ADGRB3: variants seen among roughly 807,000 people sequenced by gnomAD.
The protein encoded by ADGRB3 is brain-specific angiogenesis inhibitor 3.
In ADGRB3, 37 loss-of-function variants were observed where a neutral mutation model predicts 193.4. The ratio of observed to expected loss-of-function variants is 0.19; its 90% confidence interval spans 0.15 to 0.25. The LOEUF is 0.25. Ranked by LOEUF, ADGRB3 falls within the 10% of genes least tolerant of loss-of-function variation. ADGRB3 has a pLI of 1.00. For synonymous variants in ADGRB3, 690 were observed against 644.2 expected, an observed-to-expected ratio of 1.07 and a Z score of -1.08; for missense variants, 1,637 against 1,852.9, an observed-to-expected ratio of 0.88 and a Z score of 2.14.
In ADGRB3 at chr6:68,967,117, A is replaced by G. The variant is rs566169414; in HGVS notation, c.1526-7646A>G. 1.8e-3 allele frequency among the ~76,000 whole-genome samples: 280 copies of G among 152,286 alleles called. 1 individual carries two copies. The highest frequency in any genetic ancestry group is 6.4e-3 in the African/African-American group (264 of 41,560). ...CTGTGAATCTATGATTTCCCCTGCCATCTTCCTTTTTAAAAATAATAATAA... is the reference window on the plus strand; with the variant it reads ...CTGTGAATCTATGATTTCCCCTGCCGTCTTCCTTTTTAAAAATAATAATAA... On this transcript the variant is annotated intron_variant, in intron 8 of 31. Transcript: ENST00000370598.
intron 11 of ADGRB3, 142 bp downstream of exon 11, chr6:68,994,104 A>G: frequency 2.6e-6 from 2 of 778,690 alleles, no homozygotes; most frequent in South Asian, 2.0e-5. Context: ...AGCTCTGGAA[A>G]TGACCTCAGT....
chr6:68,728,366 G>A (rs1193849791), intron 3 of ADGRB3, among the ~76,000 whole-genome samples: 2 of 150,620 alleles, frequency 1.3e-5, no homozygotes, highest in Non-Finnish European at 3.0e-5. Flanking sequence ...GGCAGTCTAT[G>A]AAAACCACAA....
chr6:69,181,890 T>C (rs905593930), intron 17 of ADGRB3, among the ~76,000 whole-genome samples: 2 of 152,226 alleles, frequency 1.3e-5, no homozygotes, highest in Non-Finnish European at 2.9e-5. Context: ...TAATTTCTTG[T>C]GTTTGGGGAT....
At position 69,115,234 on chromosome 6, in the gene ADGRB3, G is replaced by A. The variant is rs1267508722; in HGVS notation, c.2480+39196G>A. 2.6e-5 allele frequency among the ~76,000 whole-genome samples: 4 copies of A among 152,264 alleles called. No homozygotes were observed. The East Asian group carries it at 7.7e-4, about 29-fold the overall frequency. ...TGACAGACTGGACAAAGAAAATGTG[G>A]CACATATATACCATGGAATACTATG... On this transcript the variant is annotated intron_variant, in intron 17 of 31. Coordinates refer to ENST00000370598, the MANE Select transcript of ADGRB3 (RefSeq NM_001704.3).
chr6:68,740,959 G>T (rs1156547354), intron 3 of ADGRB3, among the ~76,000 whole-genome samples: 1 of 152,138 alleles, frequency 6.6e-6, no homozygotes, highest in African/African-American at 2.4e-5. Context: ...TCTCTGAAGT[G>T]CATGCATACA....
intron 3 of ADGRB3, among the ~76,000 whole-genome samples, chr6:68,890,533 T>G (rs1766043688): frequency 6.6e-6 from 1 of 152,208 alleles, no homozygotes; most frequent in African/African-American, 2.4e-5. Context: ...AAATCTGTAA[T>G]GAATTTGTGG....
chr6:68,923,893 C>G (rs1767111830), intron 3 of ADGRB3, among the ~76,000 whole-genome samples: 1 of 151,964 alleles, frequency 6.6e-6, no homozygotes, highest in South Asian at 2.1e-4. Context: ...AAGATCTTGT[C>G]AAGAAACACA....
intron 30 of ADGRB3, among the ~76,000 whole-genome samples, chr6:69,377,563 C>T (rs999439764): frequency 3.9e-5 from 6 of 151,998 alleles, no homozygotes; most frequent in Admixed American, 3.9e-4. Flanking sequence ...TGGGCAACGG[C>T]ATTGTAGGTG....
intron 3 of ADGRB3, among the ~76,000 whole-genome samples, chr6:68,729,020 C>G (rs1172001773): frequency 6.6e-6 from 1 of 151,430 alleles, no homozygotes; most frequent in East Asian, 1.9e-4. Flanking sequence ...GCCACTCTAA[C>G]ATAGGCAAAG....
chr6:69,005,543 A>C (rs1769721865), intron 11 of ADGRB3, among the ~76,000 whole-genome samples: 1 of 152,106 alleles, frequency 6.6e-6, no homozygotes, highest in Admixed American at 6.6e-5. Flanking sequence ...TGTGTTCTTA[A>C]AGACTTTTTT....
chr6:69,204,079 G>T (rs927506209), intron 17 of ADGRB3, among the ~76,000 whole-genome samples: 2 of 151,976 alleles, frequency 1.3e-5, no homozygotes, highest in Non-Finnish European at 2.9e-5. Flanking sequence ...CAACTGACTG[G>T]CTGACCAGTG....
intron 3 of ADGRB3, among the ~76,000 whole-genome samples, chr6:68,929,597 A>G (rs78118721): frequency 0.029 from 4,471 of 152,154 alleles, 197 homozygotes; most frequent in African/African-American, 0.099. Flanking sequence ...TAGCAGCACA[A>G]TTTCTTGCCC....
At chr6:69,197,565 C>G (rs1315375753) in intron 17 of ADGRB3, among the ~76,000 whole-genome samples, 1 of 151,922 alleles carries the variant, frequency 6.6e-6, no homozygotes, top group East Asian at 1.9e-4. Flanking sequence ...GACATAAATA[C>G]CATATCTTAG....
chr6:68,987,790 AC>A (rs1769121969), intron 10 of ADGRB3, among the ~76,000 whole-genome samples: 1 of 152,128 alleles, frequency 6.6e-6, no homozygotes, highest in Non-Finnish European at 1.5e-5. Context: ...CAAGTGAGGT[AC>A]CCCTTATAAA....
intron 3 of ADGRB3, among the ~76,000 whole-genome samples, chr6:68,838,056 A>G (rs1021861657): frequency 3.3e-5 from 5 of 152,198 alleles, no homozygotes; most frequent in African/African-American, 1.2e-4. Flanking sequence ...ATTCAGAAAG[A>G]AAAAATGTAC....
At chr6:68,663,817 G>A (rs532265171) in intron 3 of ADGRB3, among the ~76,000 whole-genome samples, 6 of 151,880 alleles carry the variant, frequency 4.0e-5, no homozygotes, top group African/African-American at 1.2e-4. Context: ...TAGAAACTTC[G>A]TTATTAAATA....
chr6:69,120,008 A>C (rs1256910444), intron 17 of ADGRB3, among the ~76,000 whole-genome samples: 5 of 152,264 alleles, frequency 3.3e-5, no homozygotes, highest in Non-Finnish European at 1.5e-5. Context: ...GGATGGTGAA[A>C]AATGGTCAGA....
chr6:68,934,759 A>G (rs1186449480), intron 4 of ADGRB3, among the ~76,000 whole-genome samples: 1 of 152,202 alleles, frequency 6.6e-6, no homozygotes, highest in African/African-American at 2.4e-5. Context: ...TATTTGGTTT[A>G]TAGAATAATG....
At position 69,132,673 on chromosome 6, in the gene ADGRB3, T is replaced by A. The variant is rs367928663; in HGVS notation, c.2480+56635T>A. ...TTTTGGCTTTTGTTGCCATTGCTTTTGGAGTTTTAGTCATAAAGTCTTTCC... is the reference window on the plus strand; with the variant it reads ...TTTTGGCTTTTGTTGCCATTGCTTTAGGAGTTTTAGTCATAAAGTCTTTCC... On this transcript the variant is annotated intron_variant, in intron 17 of 31. Transcript: ENST00000370598. Among the ~76,000 whole-genome samples the A allele has an allele frequency of 2.0e-4, 30 of 152,322 alleles. 1 individual carries two copies. In the East Asian group the frequency reaches 5.4e-3, roughly 27 times the overall value.
Sources: gnomAD v4.1 joint callset for allele counts (sites outside exome capture counted in the v4.1 genomes callset) on GRCh38, gnomAD v4.1.1 for gene constraint, MANE v1.5 for transcripts, NCBI Gene and HGNC (gene_info 2026-07-23, HGNC 2026-07-21) for gene names.